ABI3BP: variants seen among roughly 807,000 people sequenced by gnomAD.
ABI3BP encodes the protein ABI family member 3 binding protein.
ABI3BP carries 216 observed loss-of-function variants against 268.6 expected under a neutral mutation model. The observed-to-expected ratio is 0.80, with a 90% CI of 0.72 to 0.90. The LOEUF (loss-of-function observed/expected upper bound fraction) is 0.90, where lower values mean the gene tolerates loss of function less well. Ranked by LOEUF, ABI3BP falls within the 40% of genes least tolerant of loss-of-function variation. The pLI is 0.00. For synonymous variants in ABI3BP, 730 were observed against 730.0 expected, an observed-to-expected ratio of 1.00 and a Z score of 0.00; for missense variants, 2,090 against 2,182.4, an observed-to-expected ratio of 0.96 and a Z score of 0.84.
chr3:100,877,944 G>C (rs2099179316), intron 6 of ABI3BP, among the ~76,000 whole-genome samples: 1 of 152,140 alleles, frequency 6.6e-6, no homozygotes, highest in South Asian at 2.1e-4. Flanking sequence ...AATATACCAG[G>C]CTTACTGTTA....
chr3:100,890,959 T>G (rs925502593), intron 4 of ABI3BP, among the ~76,000 whole-genome samples: 7 of 150,900 alleles, frequency 4.6e-5, no homozygotes, highest in Admixed American at 2.7e-4. Context: ...ATCTTTGGAC[T>G]CGTGATAATT....
chr3:100,749,968 A>G lies in ABI3BP; in HGVS notation c.*527T>C, dbSNP rs1026516070. On this transcript the variant is annotated 3_prime_UTR_variant, in exon 68 of 68. Transcript: ENST00000471714. ...AAAGCTATTCAGCTGTTGCTAAAAA[A>G]TTGAAGTTTAAATATAAAAAATTGA... 1.4e-5 allele frequency: 5 copies of G among 356,428 alleles called. No individual in the cohort carries two copies. The highest frequency in any genetic ancestry group is 1.5e-4 in the South Asian group (1 of 6,754). 22.1% of individuals were successfully genotyped at this position (356,428 alleles called of 1,614,324 possible).
chr3:100,925,504 C>G (rs1418946174), intron 2 of ABI3BP, among the ~76,000 whole-genome samples: 3 of 152,050 alleles, frequency 2.0e-5, no homozygotes, highest in Non-Finnish European at 4.4e-5. Context: ...CCTCAGCCTC[C>G]CCATGCTCAA....
At chr3:100,960,597 C>T (rs2078685993) in intron 1 of ABI3BP, among the ~76,000 whole-genome samples, 1 of 152,162 alleles carries the variant, frequency 6.6e-6, no homozygotes, top group Admixed American at 6.5e-5. Flanking sequence ...AATCATGTCT[C>T]CTTAAAAGCA....
At chr3:100,806,425 AT>A (rs1260897543) in intron 50 of ABI3BP, among the ~76,000 whole-genome samples, 9 of 152,086 alleles carry the variant, frequency 5.9e-5, no homozygotes, top group Non-Finnish European at 1.3e-4. Context: ...TCTTTAAAAT[AT>A]TTTGTGATAT....
intron 2 of ABI3BP, among the ~76,000 whole-genome samples, chr3:100,924,540 A>C (rs1000288213): frequency 1.3e-5 from 2 of 152,176 alleles, no homozygotes; most frequent in Non-Finnish European, 2.9e-5. Context: ...CAAGATTAGC[A>C]AAACAGTGAT....
chr3:100,838,752 A>G (rs1397781967), intron 24 of ABI3BP, among the ~76,000 whole-genome samples: 1 of 152,222 alleles, frequency 6.6e-6, no homozygotes, highest in Non-Finnish European at 1.5e-5. Context: ...TAGACAAAGT[A>G]TATTAGTTCT....
intron 17 of ABI3BP, among the ~76,000 whole-genome samples, chr3:100,849,429 G>A (rs1236729358): frequency 6.6e-6 from 1 of 151,870 alleles, no homozygotes; most frequent in Non-Finnish European, 1.5e-5. Context: ...TCACCATTTT[G>A]GCCATGCTGG....
chr3:100,972,652 T>C (rs1035841382), intron 1 of ABI3BP, among the ~76,000 whole-genome samples: 2 of 152,228 alleles, frequency 1.3e-5, no homozygotes, highest in African/African-American at 2.4e-5. Flanking sequence ...CATTTTTTTT[T>C]CCTGAATGTT....
chr3:100,935,733 T>C (rs543464270), intron 1 of ABI3BP, among the ~76,000 whole-genome samples: 1 of 152,228 alleles, frequency 6.6e-6, no homozygotes, highest in East Asian at 1.9e-4. Context: ...TTATTCTCTT[T>C]GTAGCAATTG....
At chr3:100,902,750 C>T in intron 2 of ABI3BP, 64 bp from the exon 3 acceptor site, 2 of 1,355,104 alleles carry the variant, frequency 1.5e-6, no homozygotes. Context: ...GGCAGCACAC[C>T]CCTACCCTGA....
At chr3:100,818,187 T>A (rs966215272) in intron 41 of ABI3BP, among the ~76,000 whole-genome samples, 1 of 152,196 alleles carries the variant, frequency 6.6e-6, no homozygotes, top group Admixed American at 6.6e-5. Context: ...ACACTGTGCT[T>A]CCCTACAATT....
intron 31 of ABI3BP, among the ~76,000 whole-genome samples, chr3:100,831,419 A>C (rs1367902403): frequency 2.6e-5 from 4 of 152,160 alleles, no homozygotes; most frequent in Admixed American, 2.0e-4. Context: ...GACTACACTC[A>C]TTAAGAGACT....
At position 100,869,330 on chromosome 3, in the gene ABI3BP, G is replaced by GTTTTTTTTTT. The variant is rs144604645; in HGVS notation, c.911-2384_911-2375dup. The stretch of plus-strand genomic sequence containing the variant: ...ATATTGTTTTTTCTTCTTCTTTTTG[G>GTTTTTTTTTT]TTTTTTTTTTTTTTTTTTTTTTTTT... On this transcript the variant is annotated intron_variant, in intron 9 of 67. Coordinates refer to ENST00000471714, the MANE Select transcript of ABI3BP (RefSeq NM_001375547.2). Among the ~76,000 whole-genome samples the GTTTTTTTTTT allele has an allele frequency of 3.6e-4, 18 of 49,762 alleles. 1 individual carries two copies. The highest frequency in any genetic ancestry group is 6.5e-4 in the African/African-American group (8 of 12,216). The allele number at this position is 49,762 out of a possible 152,430, so 32.6% of individuals were successfully genotyped here. A position where few individuals can be genotyped will look rare whatever the true frequency, so the allele number is the denominator to read the frequency against.
intron 62 of ABI3BP, among the ~76,000 whole-genome samples, chr3:100,766,586 G>A (rs1015317547): frequency 5.1e-4 from 77 of 152,196 alleles, no homozygotes; most frequent in African/African-American, 1.8e-3. Context: ...ACAAATTAAT[G>A]TCCTTAAAGT....
intron 14 of ABI3BP, among the ~76,000 whole-genome samples, chr3:100,854,517 T>A (rs1050233594): frequency 1.3e-5 from 2 of 152,228 alleles, no homozygotes; most frequent in African/African-American, 2.4e-5. Context: ...AGGCCTGGTT[T>A]CTAAAAGCTA....
At chr3:100,987,561 A>G (rs1274161843) in intron 1 of ABI3BP, among the ~76,000 whole-genome samples, 1 of 152,218 alleles carries the variant, frequency 6.6e-6, no homozygotes, top group Non-Finnish European at 1.5e-5. Flanking sequence ...TACCTTTGTA[A>G]TATAAGGTTC....
intron 6 of ABI3BP, among the ~76,000 whole-genome samples, chr3:100,883,793 G>T (rs1279966110): frequency 6.6e-6 from 1 of 152,000 alleles, no homozygotes; most frequent in African/African-American, 2.4e-5. Flanking sequence ...TCTATTTTAA[G>T]GAAATGATTA....
intron 15 of ABI3BP, 130 bp from the exon 16 acceptor site, chr3:100,850,864 C>T: frequency 1.6e-6 from 1 of 636,242 alleles, no homozygotes; most frequent in East Asian, 2.7e-5. Context: ...TGCTGGCCCA[C>T]ATTTTAAAAC....
Sources: gnomAD v4.1 joint callset for allele counts (sites outside exome capture counted in the v4.1 genomes callset) on GRCh38, gnomAD v4.1.1 for gene constraint, MANE v1.5 for transcripts, NCBI Gene and HGNC (gene_info 2026-07-23, HGNC 2026-07-21) for gene names.